The following GTF2H2C variants were observed in gnomAD, a reference collection of about 807,000 sequenced individuals.
GTF2H2C encodes the protein GTF2H2 family member C, also known as general transcription factor IIH subunit 2-like protein.
In GTF2H2C, 5 loss-of-function variants were observed where a neutral mutation model predicts 24.8. The observed-to-expected ratio is 0.20, with a 90% CI of 0.11 to 0.42. The LOEUF (loss-of-function observed/expected upper bound fraction) is 0.42, where lower values mean the gene tolerates loss of function less well. Ranked by LOEUF, GTF2H2C falls within the 20% of genes least tolerant of loss-of-function variation. The probability of loss-of-function intolerance (pLI) is 1.00; values close to 1 mark genes in which losing one functional copy is unlikely to be tolerated. For missense variants in GTF2H2C, 45 were observed against 169.8 expected (o/e 0.27, Z 4.08); for synonymous variants, 14 against 52.6 (o/e 0.27, Z 3.18).
chr5:69,594,545 T>G lies in GTF2H2C; in HGVS notation c.*2347T>G, dbSNP rs2438097. 1 of 140,838 alleles carries G rather than the reference T, an allele frequency of 7.1e-6. No individual in the cohort carries two copies. The highest frequency in any genetic ancestry group is 1.6e-5 in the Non-Finnish European group (1 of 62,562). 8.7% of individuals were successfully genotyped at this position (140,838 alleles called of 1,614,324 possible). A position where few individuals can be genotyped will look rare whatever the true frequency, so the allele number is the denominator to read the frequency against. On this transcript the variant is annotated 3_prime_UTR_variant, in exon 17 of 17. Transcript: ENST00000380729. Reference sequence around the variant, plus strand: ...TGAGCCTGGACCCAGTGGTTCTTTATGTGGAAACAAATTTCACCTATAGGT... The same window carrying G: ...TGAGCCTGGACCCAGTGGTTCTTTAGGTGGAAACAAATTTCACCTATAGGT...
chr5:69,561,172 A>C (rs1396162033), intron 1 of GTF2H2C, among the ~76,000 whole-genome samples: 1 of 151,968 alleles, frequency 6.6e-6, no homozygotes, highest in Non-Finnish European at 1.5e-5. Flanking sequence ...GTTTACAATC[A>C]GACTTCCCAT....
intron 1 of GTF2H2C, among the ~76,000 whole-genome samples, chr5:69,562,272 C>T (rs1241987385): frequency 2.7e-5 from 4 of 150,688 alleles, no homozygotes; most frequent in Admixed American, 2.0e-4. Flanking sequence ...GAGCCGAGAT[C>T]GCGCCATTGC....
rs1213760729 is a variant in GTF2H2C at position 69,566,333 on chromosome 5, A to G, written c.134+125A>G. 20 of 1,340,066 alleles carry G rather than the reference A, an allele frequency of 1.5e-5. No homozygotes were observed. The East Asian group carries it at 3.7e-4, about 25-fold the overall frequency. The allele number at this position is 1,340,066 out of a possible 1,614,324, so 83.0% of individuals were successfully genotyped here. On this transcript the variant is annotated intron_variant, in intron 4 of 16. Transcript: ENST00000380729. ...AGGGAAACTGACCTATTGCCTTCTG[A>G]CTATGGGGAAAGAACTAGCCACCTA...
chr5:69,564,026 C>G (rs1770583069), intron 2 of GTF2H2C, among the ~76,000 whole-genome samples: 1 of 150,844 alleles, frequency 6.6e-6, no homozygotes, highest in Non-Finnish European at 1.5e-5. Context: ...ATCCACTTGC[C>G]TTGGCCTCCC....
At chr5:69,572,390 A>G in intron 8 of GTF2H2C, 55 bp from the exon 9 acceptor site, 1 of 690,138 alleles carries the variant, frequency 1.4e-6, no homozygotes, top group Non-Finnish European at 2.1e-6. Context: ...TTTGAGAGAA[A>G]CATAAACTTT....
In GTF2H2C at chr5:69,594,457, A is replaced by G. The variant is rs1561375083; in HGVS notation, c.*2259A>G. 1.3e-5 allele frequency: 2 copies of G among 153,346 alleles called. No homozygotes were observed. The highest frequency in any genetic ancestry group is 2.4e-5 in the African/African-American group (1 of 41,438). The allele number at this position is 153,346 out of a possible 1,614,324, so 9.5% of individuals were successfully genotyped here. On this transcript the variant is annotated 3_prime_UTR_variant, in exon 17 of 17. Coordinates refer to ENST00000380729, the MANE Select transcript of GTF2H2C (RefSeq NM_001376000.2). The stretch of plus-strand genomic sequence containing the variant: ...TTAATACACACACACACACACACAC[A>G]CACACACACACACACACACACTGAT...
intron 15 of GTF2H2C, among the ~76,000 whole-genome samples, chr5:69,589,790 A>C (rs372547184): frequency 0.074 from 6,774 of 91,894 alleles, 243 homozygotes; most frequent in Non-Finnish European, 0.096. Flanking sequence ...GCTCACAGTT[A>C]ACCTTAATGA....
At chr5:69,566,342 A>G (rs1342006498) in intron 4 of GTF2H2C, 134 bp downstream of exon 4, 1 of 1,186,096 alleles carries the variant, frequency 8.4e-7, no homozygotes. Flanking sequence ...GACTATGGGG[A>G]AAGAACTAGC....
chr5:69,573,340 T>C (rs1447599025), intron 9 of GTF2H2C, among the ~76,000 whole-genome samples: 1 of 86,670 alleles, frequency 1.2e-5, no homozygotes, highest in Non-Finnish European at 2.3e-5. Flanking sequence ...TGTGCCACCA[T>C]GCCCAGCCAA....
rs571098004 is a variant in GTF2H2C, at chr5:69,561,635, A to G, written c.-131-1038A>G. On this transcript the variant is annotated intron_variant, in intron 1 of 16. Transcript: ENST00000380729. ...TGCTATTTACTTTTATATTTATAAT[A>G]TTTATTATATATTTGTAATTATTTT... is the stretch of plus-strand genomic sequence containing the variant. 4.0e-3 allele frequency among the ~76,000 whole-genome samples: 587 copies of G among 145,168 alleles called. 9 individuals carry two copies. The highest frequency in any genetic ancestry group is 0.014 in the African/African-American group (564 of 39,246).
intron 2 of GTF2H2C, among the ~76,000 whole-genome samples, chr5:69,563,408 G>A (rs1348883219): frequency 6.6e-6 from 1 of 151,506 alleles, no homozygotes; most frequent in Non-Finnish European, 1.5e-5. Flanking sequence ...AGAGACGGGT[G>A]TTGCCATGTT....
At position 69,593,938 on chromosome 5, in the gene GTF2H2C, G is replaced by GAAAAAAAAAAAAA. The variant is rs1174187959; in HGVS notation, c.*1754_*1766dup. ...GCGACAGAGCTAGACTCTGTCTCAA[G>GAAAAAAAAAAAAA]AAAAAAAAAAAAAAAAAAAAAAAAA... is the stretch of plus-strand genomic sequence containing the variant. On this transcript the variant is annotated 3_prime_UTR_variant, in exon 17 of 17. Coordinates refer to ENST00000380729, the MANE Select transcript of GTF2H2C (RefSeq NM_001376000.2). Among the ~76,000 whole-genome samples, 1 of 41,768 alleles carries GAAAAAAAAAAAAA rather than the reference G, an allele frequency of 2.4e-5. No individual in the cohort carries two copies. The highest frequency in any genetic ancestry group is 1.1e-4 in the African/African-American group (1 of 9,470). The allele number at this position is 41,768 out of a possible 152,430, so 27.4% of individuals were successfully genotyped here.
intron 8 of GTF2H2C, chr5:69,568,427 C>T (rs1231797134): frequency 9.4e-6 from 4 of 427,180 alleles, no homozygotes; most frequent in African/African-American, 2.3e-5. Flanking sequence ...AATAATACTA[C>T]ATTGAATATA....
At chr5:69,589,870 C>T (rs1580657591) in intron 15 of GTF2H2C, among the ~76,000 whole-genome samples, 3 of 103,202 alleles carry the variant, frequency 2.9e-5, no homozygotes, top group African/African-American at 4.0e-5. Flanking sequence ...TAAATTATTG[C>T]TATTCTTTTT....
chr5:69,565,064 A>T, intron 2 of GTF2H2C, 36 bp from the exon 3 acceptor site: 1 of 600,744 alleles, frequency 1.7e-6, no homozygotes, highest in South Asian at 2.2e-5. Flanking sequence ...TGTAACAAAC[A>T]TCTTTAGATA....
At chr5:69,573,211 A>G (rs2112218713) in intron 9 of GTF2H2C, among the ~76,000 whole-genome samples, 1 of 141,832 alleles carries the variant, frequency 7.1e-6, no homozygotes, top group South Asian at 2.4e-4. Flanking sequence ...TTCGAGACAG[A>G]GTCTTGCTCT....
rs777360801 is a variant in GTF2H2C at position 69,567,709 on chromosome 5, CTT to C, written c.259-12_259-11del. On this transcript the variant is annotated splice_polypyrimidine_tract_variant and intron_variant, in intron 6 of 16. Transcript: ENST00000380729. ...GTTATTTTGCCTTTATCTAGTATGT[CTT>C]TTTTTGTTTAAACAGTTGTTGGAAT... 2.0e-6 allele frequency: 3 copies of C among 1,518,280 alleles called. No homozygotes were observed. Among genetic ancestry groups the C allele is most frequent in the African/African-American group, 3.5e-5 (2 of 56,410 alleles). The allele number at this position is 1,518,280 out of a possible 1,614,324, so 94.1% of individuals were successfully genotyped here.
At chr5:69,562,188 G>A (rs1169372597) in intron 1 of GTF2H2C, among the ~76,000 whole-genome samples, 1 of 152,196 alleles carries the variant, frequency 6.6e-6, no homozygotes, top group East Asian at 1.9e-4. Flanking sequence ...GTGTGGTGGT[G>A]GGCTCTTGTA....
intron 1 of GTF2H2C, among the ~76,000 whole-genome samples, chr5:69,562,116 C>G (rs900813055): frequency 6.6e-6 from 1 of 151,956 alleles, no homozygotes; most frequent in African/African-American, 2.4e-5. Context: ...GTCAGGAGTT[C>G]GAGACCAGCC....
Sources: allele counts gnomAD v4.1 joint callset (sites outside exome capture counted in the v4.1 genomes callset), GRCh38; gene constraint gnomAD v4.1.1; transcripts MANE v1.5; gene names NCBI Gene and HGNC (gene_info 2026-07-23, HGNC 2026-07-21).